Variants in BRCA2 observed in about 807,000 individuals in gnomAD.
BRCA2 encodes breast cancer type 2 susceptibility protein.
BRCA2 carries 203 observed loss-of-function variants against 276.7 expected under a neutral mutation model. The ratio of observed to expected loss-of-function variants is 0.73; its 90% CI spans 0.65 to 0.82. The LOEUF is 0.82. Ranked by LOEUF, BRCA2 falls within the 40% of genes least tolerant of loss-of-function variation. The probability of loss-of-function intolerance (pLI) is 0.00; values close to 1 mark genes in which losing one functional copy is unlikely to be tolerated. For missense variants in BRCA2, 3,920 were observed against 3,915.0 expected (o/e 1.00, Z -0.03); for synonymous variants, 1,289 against 1,338.4 (o/e 0.96, Z 0.81).
chr13:32,365,495 C>A (rs1296132614), intron 18 of BRCA2, among the ~76,000 whole-genome samples: 1 of 152,072 alleles, frequency 6.6e-6, no homozygotes, highest in Non-Finnish European at 1.5e-5. Context: ...ATTCTCCTGT[C>A]TCAGCCTCCC....
At position 32,379,476 on chromosome 13, in the gene BRCA2, T is replaced by A. The variant is rs1555288398; in HGVS notation, c.8914T>A (p.Leu2972Met). 1 of 1,613,346 alleles carries A rather than the reference T, an allele frequency of 6.2e-7. No homozygotes were observed. Among genetic ancestry groups the A allele is most frequent in the Non-Finnish European group, 8.5e-7 (1 of 1,179,806 alleles). ...AAGGGATGTCACAACCGTGTGGAAG[T>A]TGCGTATTGTAAGCTATTCAAAAAA... Reference protein sequence around the residue: ...LSRDVTTVWKLRIVSYSKKEK... With the variant: ...LSRDVTTVWKMRIVSYSKKEK... The change falls in exon 22 of 27, where the codon TTG (leucine) becomes ATG (methionine). Residue 2972 changes from leucine (L) to methionine (M), a missense_variant. Leu to Met is a conservative substitution (Grantham distance 15). Transcript: ENST00000380152.
In BRCA2 at chr13:32,325,138, G is replaced by T. The variant is rs80358621; in HGVS notation, c.379G>T (p.Ala127Ser). 3.1e-6 allele frequency: 5 copies of T among 1,609,220 alleles called. No individual in the cohort carries two copies. Among genetic ancestry groups the T allele is most frequent in the Non-Finnish European group, 4.3e-6 (5 of 1,175,754 alleles). Residue 127 changes from alanine (A) to serine (S), a missense_variant, in exon 4 of 27, where the codon GCA (alanine) becomes TCA (serine). Transcript: ENST00000380152. ...LRTVKTKMDQ[A>S]DDVSCPLLNS... ...CACAGTGAAAACTAAAATGGATCAA[G>T]CAGATGATGTTTCCTGTCCACTTCT...
In BRCA2 at chr13:32,356,512, C is replaced by A; in HGVS notation, c.7520C>A (p.Pro2507Gln). The change falls in exon 15 of 27, where the codon CCA becomes CAA. Residue 2507 changes from proline (P) to glutamine (Q), a missense_variant. Transcript: ENST00000380152. ...CAAAGGCAACGCGTCTTTCCACAGC[C>A]AGGCAGTCTGTATCTTGCAAAAACA... ...KKQRQRVFPQ[P>Q]GSLYLAKTST... 6.2e-7 allele frequency: 1 copy of A among 1,614,222 alleles called. No individual in the cohort carries two copies. The highest frequency in any genetic ancestry group is 8.5e-7 in the Non-Finnish European group (1 of 1,180,018).
Position 32,355,995 on chromosome 13 carries a change from A to G in BRCA2, c.7436-433A>G, listed in dbSNP as rs150094221. 4.6e-5 allele frequency among the ~76,000 whole-genome samples: 7 copies of G among 151,966 alleles called. No individual in the cohort carries two copies. In the East Asian group the frequency reaches 1.4e-3, roughly 29 times the overall value. On this transcript the variant is annotated intron_variant, in intron 14 of 26. Transcript: ENST00000380152. ...TACCCTTTTTAGAGAAAAGGAGAGC[A>G]TGTAAACTTCGAGGAAATTGATATG...
Position 32,371,037 on chromosome 13 carries a change from G to C in BRCA2, c.8569G>C (p.Ala2857Pro), listed in dbSNP as rs730881565. 6.2e-7 allele frequency: 1 copy of C among 1,613,980 alleles called. No individual in the cohort carries two copies. Among genetic ancestry groups the C allele is most frequent in the African/African-American group, 1.3e-5 (1 of 74,918 alleles). ...AAAGGAAGCAGCAAAATATGTGGAG[G>C]CCCAACAAAAGAGACTAGAAGCCTT... ...EEKEAAKYVEAQQKRLEALFT... is the reference protein window; with the variant it reads ...EEKEAAKYVEPQQKRLEALFT... Residue 2857 changes from alanine (A) to proline (P), a missense_variant, in exon 20 of 27, where the codon GCC becomes CCC. Around this residue, in one of 2 missense-constraint regions of BRCA2, gnomAD observed 657 missense variants for 758.2 expected, o/e 0.87. Transcript: ENST00000380152.
Position 32,325,213 on chromosome 13 carries a change from T to C in BRCA2, c.425+29T>C, listed in dbSNP as rs1048366129. On this transcript the variant is annotated intron_variant, in intron 4 of 26. Transcript: ENST00000380152. ...TGATGAAGCTATTATATTAAAATAT[T>C]TAAATGAAACATTTTCCTACATATA... is the stretch of plus-strand genomic sequence containing the variant. The C allele has an allele frequency of 2.9e-5, 41 of 1,423,040 alleles. 1 individual carries two copies. The highest frequency in any genetic ancestry group is 1.3e-5 in the Non-Finnish European group (13 of 1,022,072). 88.2% of individuals were successfully genotyped at this position (1,423,040 alleles called of 1,614,324 possible).
chr13:32,385,642 T>A lies in BRCA2; in HGVS notation c.9256+5497T>A, dbSNP rs1465538431. On this transcript the variant is annotated intron_variant, in intron 24 of 26. Transcript: ENST00000380152. ...AGAAAAGGTAGACAAAATGATAAGA[T>A]CACCTGTATTTCATCTTCAATCTGC... 3 of 244,576 alleles carry A rather than the reference T, an allele frequency of 1.2e-5. No homozygotes were observed. In the South Asian group the frequency reaches 2.0e-4, roughly 16 times the overall value. The allele number at this position is 244,576 out of a possible 1,614,324, so 15.2% of individuals were successfully genotyped here.
In BRCA2 at chr13:32,338,321, C is replaced by T. The variant is rs80358647; in HGVS notation, c.3966C>T (p.Asn1322=). ...AGAGAAATACTGAAAATGAAGATAA[C>T]AAATATACTGCTGCCAGTAGAAATT... ...NYKRNTENED[N]KYTAASRNSH... The change falls in exon 11 of 27, where the codon AAC becomes AAT. Residue 1322 remains asparagine (N), a synonymous_variant. Transcript: ENST00000380152. The T allele has an allele frequency of 5.0e-6, 8 of 1,586,342 alleles. No individual in the cohort carries two copies. In the African/African-American group the frequency reaches 8.1e-5, roughly 16 times the overall value.
At chr13:32,347,343 A>G (rs557009956) in intron 13 of BRCA2, among the ~76,000 whole-genome samples, 1 of 152,318 alleles carries the variant, frequency 6.6e-6, no homozygotes, top group East Asian at 1.9e-4. Flanking sequence ...AAGCATGAGA[A>G]AGCTAAAACC....
In BRCA2 at chr13:32,397,182, G is replaced by A. The variant is rs922153632; in HGVS notation, c.9648+138G>A. On this transcript the variant is annotated intron_variant, in intron 26 of 26. Transcript: ENST00000380152. ...TGTGGTTGTTATGTGGCTCCTGTAAGTATAGTTATTTAGAAATTTTATTTA... is the reference window on the plus strand; with the variant it reads ...TGTGGTTGTTATGTGGCTCCTGTAAATATAGTTATTTAGAAATTTTATTTA... 5.9e-5 allele frequency: 58 copies of A among 977,086 alleles called. No individual in the cohort carries two copies. The Admixed American group carries it at 1.4e-3, about 24-fold the overall frequency. The allele number at this position is 977,086 out of a possible 1,614,324, so 60.5% of individuals were successfully genotyped here. A position where few individuals can be genotyped will look rare whatever the true frequency, so the allele number is the denominator to read the frequency against.
intron 25 of BRCA2, 117 bp from the exon 26 acceptor site, chr13:32,396,781 G>T: frequency 1.5e-6 from 2 of 1,311,848 alleles, no homozygotes; most frequent in Non-Finnish European, 2.2e-6. Flanking sequence ...CACATTTAGG[G>T]TTTTTCATTC....
At chr13:32,355,477 T>C (rs899591690) in intron 14 of BRCA2, among the ~76,000 whole-genome samples, 189 bp downstream of exon 14, 1 of 152,210 alleles carries the variant, frequency 6.6e-6, no homozygotes, top group African/African-American at 2.4e-5. Context: ...TAACTTCTTG[T>C]GGACTTGTTA....
Position 32,319,082 on chromosome 13 carries a change from G to A in BRCA2, c.73G>A (p.Gly25Arg), listed in dbSNP as rs80358961. 1.2e-6 allele frequency: 2 copies of A among 1,611,898 alleles called. No homozygotes were observed. Among genetic ancestry groups the A allele is most frequent in the Non-Finnish European group, 8.5e-7 (1 of 1,178,460 alleles). Reference protein sequence around the residue: ...FKTRCNKADLGPISLNWFEEL... With the variant: ...FKTRCNKADLRPISLNWFEEL... The stretch of plus-strand genomic sequence containing the variant: ...GGGATTTTTTTTTTAAATAGATTTA[G>A]GACCAATAAGTCTTAATTGGTTTGA... Residue 25 changes from glycine (G) to arginine (R), a missense_variant, in exon 3 of 27, where the codon GGA (glycine) becomes AGA (arginine). Transcript: ENST00000380152.
chr13:32,315,906 T>C (rs2072253193), intron 1 of BRCA2, among the ~76,000 whole-genome samples: 2 of 152,220 alleles, frequency 1.3e-5, no homozygotes, highest in Non-Finnish European at 2.9e-5. Context: ...GCCTTTGGGC[T>C]CCGCCTTCAG....
At position 32,374,920 on chromosome 13, in the gene BRCA2, A is replaced by T. The variant is rs11571754; in HGVS notation, c.8633-1750A>T. Among the ~76,000 whole-genome samples, 81 of 152,348 alleles carry T rather than the reference A, an allele frequency of 5.3e-4. 1 individual carries two copies. Among genetic ancestry groups the T allele is most frequent in the Admixed American group, 5.0e-3 (76 of 15,296 alleles). On this transcript the variant is annotated intron_variant, in intron 20 of 26. Coordinates refer to ENST00000380152, the MANE Select transcript of BRCA2 (RefSeq NM_000059.4). ...CATACTGCTATAAAAAATACCTGAGACTGGGTAATTTGTAAAGGAAAAAGG... is the reference window on the plus strand; with the variant it reads ...CATACTGCTATAAAAAATACCTGAGTCTGGGTAATTTGTAAAGGAAAAAGG...
chr13:32,399,020 G>A lies in BRCA2; in HGVS notation c.*250G>A, dbSNP rs2073060966. 7 of 447,410 alleles carry A rather than the reference G, an allele frequency of 1.6e-5. No homozygotes were observed. The East Asian group carries it at 2.9e-4, about 19-fold the overall frequency. The allele number at this position is 447,410 out of a possible 1,614,324, so 27.7% of individuals were successfully genotyped here. A position where few individuals can be genotyped will look rare whatever the true frequency, so the allele number is the denominator to read the frequency against. ...TAACTAATCAAGAAAAACATCTTTG[G>A]CTGAGCTCGGTGGCTCATGCCTGTA... On this transcript the variant is annotated 3_prime_UTR_variant, in exon 27 of 27. Transcript: ENST00000380152.
chr13:32,329,623 C>T, intron 8 of BRCA2, 131 bp downstream of exon 8: 1 of 756,588 alleles, frequency 1.3e-6, no homozygotes, highest in South Asian at 1.7e-5. Context: ...AGTCTCTAAA[C>T]CTGGTCCTAT....
In BRCA2 at chr13:32,398,422, T is replaced by C. The variant is rs774410550; in HGVS notation, c.9909T>C (p.Ser3303=). ...AAQKAFQPPR[S]CGTKYETPIK... is the part of the protein sequence containing the mutation. Reference sequence around the variant, plus strand: ...AGAAGGCATTTCAGCCACCAAGGAGTTGTGGCACCAAATACGAAACACCCA... The same window carrying C: ...AGAAGGCATTTCAGCCACCAAGGAGCTGTGGCACCAAATACGAAACACCCA... Residue 3303 remains serine, a synonymous_variant, in exon 27 of 27, where the codon AGT becomes AGC. Transcript: ENST00000380152. 1 of 1,614,116 alleles carries C rather than the reference T, an allele frequency of 6.2e-7. No individual in the cohort carries two copies. The highest frequency in any genetic ancestry group is 1.1e-5 in the South Asian group (1 of 91,080).
chr13:32,357,510 C>T (rs927084792), intron 15 of BRCA2, among the ~76,000 whole-genome samples: 2 of 152,062 alleles, frequency 1.3e-5, no homozygotes, highest in African/African-American at 2.4e-5. Context: ...TAGCAGGAGG[C>T]GTATAAACGG....
Sources: allele counts gnomAD v4.1 joint callset (sites outside exome capture counted in the v4.1 genomes callset), GRCh38; gene constraint gnomAD v4.1.1; regional missense constraint gnomAD v4.1.1; transcripts MANE v1.5; gene names NCBI Gene and HGNC (gene_info 2026-07-23, HGNC 2026-07-21).